The following PRDM16 variants were observed in gnomAD, a reference collection of about 807,000 sequenced individuals.
The protein encoded by PRDM16 is histone-lysine N-methyltransferase PRDM16.
PRDM16 carries 23 observed loss-of-function variants against 110.6 expected under a neutral mutation model. The observed-to-expected ratio is 0.21, with a 90% CI of 0.15 to 0.29. The LOEUF is 0.29. Ranked by LOEUF, PRDM16 falls within the 10% of genes least tolerant of loss-of-function variation. PRDM16 has a pLI of 1.00. For missense variants in PRDM16, 1,615 were observed against 1,794.3 expected, an observed-to-expected ratio of 0.90 and a Z score of 1.81; for synonymous variants, 799 against 781.8, an observed-to-expected ratio of 1.02 and a Z score of -0.37.
intron 1 of PRDM16, among the ~76,000 whole-genome samples, chr1:3,185,265 A>G (rs1013685246): frequency 6.6e-6 from 1 of 152,082 alleles, no homozygotes; most frequent in African/African-American, 2.4e-5. Context: ...ACGGACCCCA[A>G]AGGCCTATCC....
chr1:3,153,773 C>T (rs374333200), intron 1 of PRDM16, among the ~76,000 whole-genome samples: 2 of 152,336 alleles, frequency 1.3e-5, no homozygotes, highest in African/African-American at 4.8e-5. Flanking sequence ...ATATTAAACC[C>T]GCACCATTGA....
At chr1:3,360,743 A>C (rs904289338) in intron 3 of PRDM16, among the ~76,000 whole-genome samples, 1 of 152,194 alleles carries the variant, frequency 6.6e-6, no homozygotes, top group Non-Finnish European at 1.5e-5. Context: ...TCGGGACAGG[A>C]GTCCAACTGA....
intron 3 of PRDM16, among the ~76,000 whole-genome samples, chr1:3,310,358 C>T (rs541331167): frequency 3.3e-5 from 5 of 152,172 alleles, no homozygotes; most frequent in South Asian, 4.1e-4. Context: ...TAAAGCGACC[C>T]GGTCACCGCC....
rs570393832 is a variant in PRDM16, at chr1:3,285,277, C to G, written c.438+41140C>G. 3.9e-3 allele frequency among the ~76,000 whole-genome samples: 597 copies of G among 152,298 alleles called. 3 individuals carry two copies. Among genetic ancestry groups the G allele is most frequent in the African/African-American group, 0.014 (568 of 41,578 alleles). On this transcript the variant is annotated intron_variant, in intron 3 of 16. Coordinates refer to ENST00000270722, the MANE Select transcript of PRDM16 (RefSeq NM_022114.4). ...CCGTGGAGGCCCCTGCCTCTCCCCT[C>G]CAGCTGGCCACCTGGGCGTTCTGAT...
At chr1:3,077,598 G>A (rs1253383853) in intron 1 of PRDM16, among the ~76,000 whole-genome samples, 1 of 152,170 alleles carries the variant, frequency 6.6e-6, no homozygotes, top group Non-Finnish European at 1.5e-5. Context: ...AGCCAGGCTG[G>A]GGTGCTTTAC....
At chr1:3,187,803 A>AGT (rs1028780843) in intron 2 of PRDM16, among the ~76,000 whole-genome samples, 8 of 152,208 alleles carry the variant, frequency 5.3e-5, no homozygotes, top group African/African-American at 1.7e-4. Context: ...CTACTCCCTG[A>AGT]GTGTCAGCTT....
Position 3,257,687 on chromosome 1 carries a change from C to G in PRDM16, c.438+13550C>G, listed in dbSNP as rs146596455. Among the ~76,000 whole-genome samples the G allele has an allele frequency of 4.9e-3, 753 of 152,292 alleles. 3 individuals carry two copies. The highest frequency in any genetic ancestry group is 0.015 in the South Asian group (71 of 4,820). On this transcript the variant is annotated intron_variant, in intron 3 of 16. Coordinates refer to ENST00000270722, the MANE Select transcript of PRDM16 (RefSeq NM_022114.4). ...AACATCCCTCATTTATTCATTCACT[C>G]ACTCATTCATTCAACAAATACGCCT...
intron 2 of PRDM16, among the ~76,000 whole-genome samples, chr1:3,226,289 G>A (rs946821770): frequency 2.0e-5 from 3 of 152,202 alleles, no homozygotes; most frequent in South Asian, 2.1e-4. Context: ...AGGGGCACAC[G>A]GGGACGTTGA....
chr1:3,421,440 G>A (rs990856510), intron 12 of PRDM16, among the ~76,000 whole-genome samples: 5 of 152,152 alleles, frequency 3.3e-5, no homozygotes, highest in Admixed American at 6.5e-5. Flanking sequence ...GTTATTTTAC[G>A]CAGTGAGACC....
rs182740975 is a variant in PRDM16, at chr1:3,190,544, G to A, written c.387+4070G>A. Among the ~76,000 whole-genome samples, 12 of 152,218 alleles carry A rather than the reference G, an allele frequency of 7.9e-5. No individual in the cohort carries two copies. Among genetic ancestry groups the A allele is most frequent in the African/African-American group, 1.4e-4 (6 of 41,556 alleles). ...GCCCTGAGTCAGATGCCCCACCCCC[G>A]ACCTGGGGGCTCACTCTGTGCATGG... On this transcript the variant is annotated intron_variant, in intron 2 of 16. Coordinates refer to ENST00000270722, the MANE Select transcript of PRDM16 (RefSeq NM_022114.4). The surrounding 1 kb of genome is among the most constrained non-coding windows in gnomAD (Gnocchi z 5.0).
intron 10 of PRDM16, 62 bp from the exon 11 acceptor site, chr1:3,417,766 C>G: frequency 3.5e-6 from 5 of 1,425,878 alleles, no homozygotes; most frequent in South Asian, 1.2e-5. Flanking sequence ...CCCAGCAGTG[C>G]GTGCCCCTGA....
intron 3 of PRDM16, among the ~76,000 whole-genome samples, chr1:3,346,094 G>A (rs1026759068): frequency 1.3e-5 from 2 of 152,278 alleles, no homozygotes; most frequent in African/African-American, 4.8e-5. Flanking sequence ...TGTGAGACCT[G>A]GCAAGGCTGC....
At position 3,370,889 on chromosome 1, in the gene PRDM16, A is replaced by C. The variant is rs537324321; in HGVS notation, c.439-14263A>C. 5.3e-5 allele frequency among the ~76,000 whole-genome samples: 8 copies of C among 150,096 alleles called. No homozygotes were observed. The East Asian group carries it at 1.6e-3, about 30-fold the overall frequency. On this transcript the variant is annotated intron_variant, in intron 3 of 16. Coordinates refer to ENST00000270722, the MANE Select transcript of PRDM16 (RefSeq NM_022114.4). This position sits in a 1 kb window ranked among gnomAD's most constrained non-coding sequence, Gnocchi z 4.8. ...TAATTATCCATCCACCCACCCATCC[A>C]CCATCCATTCATCCATCCATCCATC... is the stretch of plus-strand genomic sequence containing the variant.
intron 3 of PRDM16, among the ~76,000 whole-genome samples, chr1:3,294,642 C>A (rs1339199757): frequency 6.6e-6 from 1 of 152,162 alleles, no homozygotes; most frequent in Non-Finnish European, 1.5e-5. Flanking sequence ...CGTGCTGCCT[C>A]CCCTTCAGCC....
At chr1:3,414,764 C>T (rs575446627) in intron 10 of PRDM16, 117 bp downstream of exon 10, 50 of 724,936 alleles carry the variant, frequency 6.9e-5, no homozygotes, top group South Asian at 1.2e-4. Flanking sequence ...GGCCATACCA[C>T]GCACAGACGC....
At chr1:3,109,755 G>A (rs895202671) in intron 1 of PRDM16, among the ~76,000 whole-genome samples, 3 of 152,206 alleles carry the variant, frequency 2.0e-5, no homozygotes, top group South Asian at 4.1e-4. Flanking sequence ...GTTATTACGG[G>A]GTCTCAAAGC....
chr1:3,277,532 C>T (rs1640612951), intron 3 of PRDM16, among the ~76,000 whole-genome samples: 3 of 152,236 alleles, frequency 2.0e-5, no homozygotes, highest in Admixed American at 2.0e-4. Context: ...TGGCCCCGAC[C>T]CTCTCCTTTT....
At chr1:3,344,831 A>G (rs532529209) in intron 3 of PRDM16, among the ~76,000 whole-genome samples, 4 of 152,340 alleles carry the variant, frequency 2.6e-5, no homozygotes, top group Admixed American at 1.3e-4. Flanking sequence ...TGGAAAGCCA[A>G]AGGTGATCAT....
At chr1:3,375,724 C>T (rs1201673796) in intron 3 of PRDM16, among the ~76,000 whole-genome samples, 1 of 152,242 alleles carries the variant, frequency 6.6e-6, no homozygotes, top group Non-Finnish European at 1.5e-5. Context: ...AGTCCCACCC[C>T]AGGGGACCTT....
Sources: gnomAD v4.1 joint callset for allele counts (sites outside exome capture counted in the v4.1 genomes callset) on GRCh38, gnomAD v4.1.1 for gene constraint, Gnocchi (gnomAD v3.1) non-coding constraint, MANE v1.5 for transcripts, NCBI Gene and HGNC (gene_info 2026-07-23, HGNC 2026-07-21) for gene names.